Variants in ARAP3 observed in about 807,000 individuals in gnomAD.
The protein encoded by ARAP3 is ArfGAP with RhoGAP domain, ankyrin repeat and PH domain 3, also known as arf-GAP with Rho-GAP domain, ANK repeat and PH domain-containing protein 3.
Under a neutral mutation model 169.2 loss-of-function variants are expected in ARAP3, and 82 were observed. The ratio of observed to expected loss-of-function variants is 0.48; its 90% CI spans 0.41 to 0.58. ARAP3 has a LOEUF of 0.58. ARAP3 is among the 20% of genes least tolerant of loss of function. ARAP3 has a pLI of 0.00. For missense variants in ARAP3, 1,764 were observed against 2,018.0 expected (o/e 0.87, Z 2.41); for synonymous variants, 791 against 800.3 (o/e 0.99, Z 0.20).
intron 19 of ARAP3, among the ~76,000 whole-genome samples, chr5:141,663,647 A>G (rs1354662259): frequency 6.6e-6 from 1 of 152,104 alleles, no homozygotes; most frequent in African/African-American, 2.4e-5. Flanking sequence ...TCCTTCGAAC[A>G]CGAGAGAGGC....
At chr5:141,656,905 C>G (rs903070675) in intron 25 of ARAP3, 59 bp from the exon 26 acceptor site, 1 of 1,550,670 alleles carries the variant, frequency 6.4e-7, no homozygotes, top group Non-Finnish European at 8.7e-7. Context: ...AAGCCCCCAG[C>G]TCTCACCAGT....
chr5:141,654,887 G>A (rs2099909004), intron 32 of ARAP3, among the ~76,000 whole-genome samples: 1 of 151,914 alleles, frequency 6.6e-6, no homozygotes. Context: ...TCACAGGCAT[G>A]CACCACCACA....
At chr5:141,677,032 T>A (rs2099912269) in intron 4 of ARAP3, among the ~76,000 whole-genome samples, 1 of 152,192 alleles carries the variant, frequency 6.6e-6, no homozygotes, top group Non-Finnish European at 1.5e-5. Flanking sequence ...AACTTTCAGG[T>A]GCTCAGGACA....
chr5:141,672,035 A>G lies in ARAP3; in HGVS notation c.1586-55T>C. The G allele has an allele frequency of 6.2e-7, 1 of 1,613,770 alleles. No homozygotes were observed. Among genetic ancestry groups the G allele is most frequent in the Non-Finnish European group, 8.5e-7 (1 of 1,179,764 alleles). ...TGTGAGGGTGTGAGGGGCATGTGGC[A>G]CGGGTACCCTGAGCCCTCTAGTCCC... On this transcript the variant is annotated intron_variant, in intron 10 of 32. Transcript: ENST00000239440. This position sits in a 1 kb window ranked among gnomAD's most constrained non-coding sequence, Gnocchi z 4.9.
At chr5:141,673,367 C>T (rs2099911705) in intron 6 of ARAP3, 34 bp downstream of exon 6, 6 of 1,613,378 alleles carry the variant, frequency 3.7e-6, no homozygotes, top group African/African-American at 1.3e-5. Flanking sequence ...CCCTCTCCCT[C>T]ATCTCCATAT....
chr5:141,660,366 T>C (rs11960868), intron 21 of ARAP3, among the ~76,000 whole-genome samples: 77,841 of 150,844 alleles, frequency 0.52, 20,834 homozygotes, highest in African/African-American at 0.67. Context: ...TGATGGTGGG[T>C]GCCTGTAGTC....
Position 141,680,523 on chromosome 5 carries a change from G to A in ARAP3, c.-17-20C>T, listed in dbSNP as rs1368059433. 6.4e-7 allele frequency: 1 copy of A among 1,551,372 alleles called. No homozygotes were observed. The highest frequency in any genetic ancestry group is 1.3e-5 in the African/African-American group (1 of 74,210). On this transcript the variant is annotated intron_variant, in intron 1 of 32. Coordinates refer to ENST00000239440, the MANE Select transcript of ARAP3 (RefSeq NM_022481.6). ...CCATTGCTGGGGGGAGGGGCAGGGTGAAGGGAGGGCTCAGGCTGAGAATCC... is the reference window on the plus strand; with the variant it reads ...CCATTGCTGGGGGGAGGGGCAGGGTAAAGGGAGGGCTCAGGCTGAGAATCC...
intron 21 of ARAP3, among the ~76,000 whole-genome samples, chr5:141,661,067 CTT>C (rs562593165): frequency 1.1e-4 from 15 of 132,672 alleles, no homozygotes; most frequent in Non-Finnish European, 1.5e-4. Flanking sequence ...TTTCTTTTTT[CTT>C]TTTTTTTTTT....
At position 141,654,137 on chromosome 5, in the gene ARAP3, T is replaced by C; in HGVS notation, c.4448A>G (p.Glu1483Gly). 6.2e-7 allele frequency: 1 copy of C among 1,613,120 alleles called. No individual in the cohort carries two copies. Residue 1483 changes from glutamate to glycine, a missense_variant, in exon 33 of 33, where the codon GAA (glutamate) becomes GGA (glycine). Coordinates refer to ENST00000239440, the MANE Select transcript of ARAP3 (RefSeq NM_022481.6). ...SSPQARGSLE[E>G]QLLQELSSLI... is the part of the protein sequence containing the mutation. The stretch of plus-strand genomic sequence containing the variant: ...GCTGCTGAGCTCCTGGAGCAGCTGT[T>C]CCTCTAGGGACCCCCGTGCCTGGGG...
At position 141,673,554 on chromosome 5, in the gene ARAP3, A is replaced by G. The variant is rs12518966; in HGVS notation, c.902+51T>C. On this transcript the variant is annotated intron_variant, in intron 5 of 32. Transcript: ENST00000239440. ...AGGGTCTGGGGGCACTTTCCCGCGC[A>G]ACCACCTCCCAGCCTCTCTTTTCTC... 31,697 of 1,612,320 alleles carry G rather than the reference A, an allele frequency of 0.02. 2,084 individuals are homozygous for G. The Admixed American group carries it at 0.23, about 12-fold the overall frequency.
At chr5:141,655,213 A>ACC (rs1554221982) in intron 32 of ARAP3, 149 bp downstream of exon 32, 4 of 593,420 alleles carry the variant, frequency 6.7e-6, no homozygotes, top group African/African-American at 5.1e-5. Context: ...ACACACACAC[A>ACC]CCCTGATGGC....
chr5:141,680,019 A>C lies in ARAP3; in HGVS notation c.468T>G (p.Pro156=). The change falls in exon 2 of 33, where the codon CCT becomes CCG. Residue 156 remains proline (P), a synonymous_variant. Transcript: ENST00000239440. ...SSALNTVEMM[P]NSIYFGLDSR... ...AGTCCAGGCCGAAGTAGATGGAATT[A>C]GGCATCATCTCCACAGTATTTAGGG... 6.2e-7 allele frequency: 1 copy of C among 1,614,180 alleles called. No individual in the cohort carries two copies.
chr5:141,679,018 G>A (rs1352337454), intron 4 of ARAP3, among the ~76,000 whole-genome samples: 2 of 152,146 alleles, frequency 1.3e-5, no homozygotes, highest in Non-Finnish European at 2.9e-5. Context: ...GTTGGGCACA[G>A]TGGCTCATGC....
chr5:141,662,356 G>T, intron 19 of ARAP3, 101 bp from the exon 20 acceptor site: 3 of 1,119,460 alleles, frequency 2.7e-6, no homozygotes, highest in Non-Finnish European at 4.0e-6. Context: ...GCTGATGGGG[G>T]CATGGGATTC....
chr5:141,670,093 G>T, intron 14 of ARAP3, 30 bp from the exon 15 acceptor site: 1 of 1,579,992 alleles, frequency 6.3e-7, no homozygotes, highest in Admixed American at 2.1e-5. Flanking sequence ...TCAGGGAGCA[G>T]CAGACCTCTG....
intron 17 of ARAP3, among the ~76,000 whole-genome samples, chr5:141,665,631 T>A (rs2099910523): frequency 6.6e-6 from 1 of 152,072 alleles, no homozygotes; most frequent in African/African-American, 2.4e-5. Context: ...GTTTCCAAAG[T>A]CCTAAAATAT....
At chr5:141,677,950 ATT>A (rs35622634) in intron 4 of ARAP3, among the ~76,000 whole-genome samples, 171 of 129,700 alleles carry the variant, frequency 1.3e-3, no homozygotes, top group African/African-American at 4.6e-3. Flanking sequence ...ACCCCCAGCT[ATT>A]TTTTTTTTTT....
At chr5:141,658,215 G>T in intron 25 of ARAP3, 150 bp downstream of exon 25, 2 of 748,940 alleles carry the variant, frequency 2.7e-6, no homozygotes, top group Non-Finnish European at 4.4e-6. Flanking sequence ...TGAGTCAACT[G>T]TGTTGAATGT....
intron 19 of ARAP3, among the ~76,000 whole-genome samples, chr5:141,664,626 A>G (rs2099910399): frequency 6.6e-6 from 1 of 152,118 alleles, no homozygotes; most frequent in East Asian, 1.9e-4. Context: ...ACTTCTGAAC[A>G]CTTACTACAT....
Sources: gnomAD v4.1 joint callset for allele counts (sites outside exome capture counted in the v4.1 genomes callset) on GRCh38, gnomAD v4.1.1 for gene constraint, Gnocchi (gnomAD v3.1) non-coding constraint, MANE v1.5 for transcripts, NCBI Gene and HGNC (gene_info 2026-07-23, HGNC 2026-07-21) for gene names.